Variants in AKAP13 observed in about 807,000 individuals in gnomAD.
AKAP13 encodes the protein A-kinase anchor protein 13.
In AKAP13, 80 loss-of-function variants were observed where a neutral mutation model predicts 264.5. The observed-to-expected ratio is 0.30, with a 90% confidence interval of 0.25 to 0.36. The LOEUF (loss-of-function observed/expected upper bound fraction) is 0.36, where lower values mean the gene tolerates loss of function less well. Among genes scored for constraint, AKAP13 ranks in the 10% least tolerant of loss-of-function variants. The pLI, the probability that AKAP13 is intolerant of heterozygous loss-of-function variation, is 1.00. For synonymous variants in AKAP13, 1,380 were observed against 1,250.2 expected (o/e 1.10, Z -2.19); for missense variants, 3,712 against 3,435.2 (o/e 1.08, Z -2.01).
chr15:85,619,217 G>A (rs940900093), intron 8 of AKAP13: 14 of 257,322 alleles, frequency 5.4e-5, no homozygotes, highest in African/African-American at 3.0e-4. Context: ...TCTTCGTCTC[G>A]GTAGATGAAT....
At chr15:85,744,504 G>T in intron 36 of AKAP13, 124 bp from the exon 37 acceptor site, 3 of 1,000,870 alleles carry the variant, frequency 3.0e-6, no homozygotes, top group Non-Finnish European at 1.6e-6. Flanking sequence ...GTGCGCAGAA[G>T]AGTTAATTGC....
intron 1 of AKAP13, among the ~76,000 whole-genome samples, chr15:85,475,262 A>G (rs2075118452): frequency 6.6e-6 from 1 of 152,200 alleles, no homozygotes. Flanking sequence ...CCGTAGGGAT[A>G]GGAATGTCAG....
In AKAP13 at chr15:85,651,864, G is replaced by A. The variant is rs560140464; in HGVS notation, c.4375-3553G>A. On this transcript the variant is annotated intron_variant, in intron 10 of 36. Transcript: ENST00000394518. ...ATCATTTCTCTTGAGAAATACCTAG[G>A]ATTCGAATTCTTAGATTATATGGTA... Among the ~76,000 whole-genome samples the A allele has an allele frequency of 3.9e-5, 6 of 152,254 alleles. No individual in the cohort carries two copies. In the South Asian group the frequency reaches 1.0e-3, roughly 26 times the overall value.
rs577699276 is a variant in AKAP13, at chr15:85,663,777, C to T, written c.4800-786C>T. 9.2e-5 allele frequency among the ~76,000 whole-genome samples: 14 copies of T among 152,354 alleles called. No homozygotes were observed. The East Asian group carries it at 2.7e-3, about 29-fold the overall frequency. On this transcript the variant is annotated intron_variant, in intron 12 of 36. Transcript: ENST00000394518. Reference sequence around the variant, plus strand: ...ACCTGTCTCTGTAGCCTTCTGCTTACTGAAAATGCTTTTCATTCTGCAAAC... The same window carrying T: ...ACCTGTCTCTGTAGCCTTCTGCTTATTGAAAATGCTTTTCATTCTGCAAAC...
At chr15:85,609,792 C>G (rs570960947) in intron 8 of AKAP13, among the ~76,000 whole-genome samples, 41 of 152,300 alleles carry the variant, frequency 2.7e-4, no homozygotes, top group African/African-American at 9.9e-4. Context: ...AACATCTTTA[C>G]CTTCACTCAC....
intron 4 of AKAP13, among the ~76,000 whole-genome samples, chr15:85,541,988 G>A (rs1325280948): frequency 6.6e-6 from 1 of 152,220 alleles, no homozygotes; most frequent in Non-Finnish European, 1.5e-5. Flanking sequence ...AATCAGAAGA[G>A]TGGTTGTGGG....
chr15:85,682,307 CT>C, intron 15 of AKAP13, 95 bp downstream of exon 15: 1 of 1,245,458 alleles, frequency 8.0e-7, no homozygotes, highest in Non-Finnish European at 1.1e-6. Context: ...GTTAATTGAG[CT>C]TATTGGGTTC....
intron 32 of AKAP13, 148 bp downstream of exon 32, chr15:85,735,778 AC>A (rs2151765307): frequency 1.1e-6 from 1 of 888,268 alleles, no homozygotes; most frequent in African/African-American, 1.7e-5. Flanking sequence ...CATTTTTAAA[AC>A]AAATAGTACA....
rs145247448 is a variant in AKAP13 at position 85,507,190 on chromosome 15, G to GT, written c.34-14232dup. 5.2e-3 allele frequency among the ~76,000 whole-genome samples: 790 copies of GT among 152,166 alleles called. 40 individuals carry two copies. In the East Asian group the frequency reaches 0.13, roughly 24 times the overall value. On this transcript the variant is annotated intron_variant, in intron 2 of 36. Coordinates refer to ENST00000394518, the MANE Select transcript of AKAP13 (RefSeq NM_007200.5). ...CTACTAAATCAGGGGGTCTTAATCTGTTTTTTGTTGATGTCTTTGGGGGTG... is the reference window on the plus strand; with the variant it reads ...CTACTAAATCAGGGGGTCTTAATCTGTTTTTTTGTTGATGTCTTTGGGGGTG...
chr15:85,615,388 T>C (rs1473017987), intron 8 of AKAP13, among the ~76,000 whole-genome samples: 1 of 152,114 alleles, frequency 6.6e-6, no homozygotes, highest in Non-Finnish European at 1.5e-5. Flanking sequence ...ACAGTAGACC[T>C]GCTTCTCCTG....
chr15:85,649,076 A>G (rs1457890588), intron 10 of AKAP13, among the ~76,000 whole-genome samples: 1 of 152,200 alleles, frequency 6.6e-6, no homozygotes, highest in Non-Finnish European at 1.5e-5. Flanking sequence ...GACTTACAAA[A>G]AGGAGAGAGA....
rs1410077312 is a variant in AKAP13, at chr15:85,682,267, T to C, written c.5156+55T>C. 3.9e-6 allele frequency: 6 copies of C among 1,551,812 alleles called. No homozygotes were observed. The East Asian group carries it at 1.4e-4, about 35-fold the overall frequency. ...GAAATAAAATGAAGAAAATTTAAAA[T>C]CTCTTAGGCCATTTAATTACGTAAA... is the stretch of plus-strand genomic sequence containing the variant. On this transcript the variant is annotated intron_variant, in intron 15 of 36. Coordinates refer to ENST00000394518, the MANE Select transcript of AKAP13 (RefSeq NM_007200.5).
intron 5 of AKAP13, among the ~76,000 whole-genome samples, chr15:85,562,686 C>CT (rs1192707103): frequency 1.6e-5 from 1 of 61,098 alleles, no homozygotes; most frequent in African/African-American, 4.9e-5. Context: ...CTTTTCTTTT[C>CT]TTTTCTTTTT....
chr15:85,680,230 A>G (rs1307857107), intron 14 of AKAP13, among the ~76,000 whole-genome samples: 1 of 152,202 alleles, frequency 6.6e-6, no homozygotes, highest in Non-Finnish European at 1.5e-5. Flanking sequence ...AGCTTAGAAA[A>G]TTTAATGCTG....
chr15:85,701,944 C>T (rs924425836), intron 17 of AKAP13, among the ~76,000 whole-genome samples: 5 of 151,874 alleles, frequency 3.3e-5, no homozygotes, highest in African/African-American at 1.2e-4. Flanking sequence ...CAGCCTGCCT[C>T]TTATAAAAAG....
chr15:85,558,351 T>C (rs1320080428), intron 5 of AKAP13, among the ~76,000 whole-genome samples: 1 of 152,252 alleles, frequency 6.6e-6, no homozygotes, highest in Non-Finnish European at 1.5e-5. Context: ...ATAGGATTAA[T>C]CAACTTTAAT....
chr15:85,647,002 A>G (rs1052757145), intron 10 of AKAP13, among the ~76,000 whole-genome samples: 1 of 152,174 alleles, frequency 6.6e-6, no homozygotes, highest in Non-Finnish European at 1.5e-5. Context: ...GCATCTACCA[A>G]CACGGTTCCT....
chr15:85,569,846 G>A (rs1490362829), intron 5 of AKAP13, among the ~76,000 whole-genome samples: 3 of 151,976 alleles, frequency 2.0e-5, no homozygotes. Flanking sequence ...GGGAGGCCAA[G>A]GCAGGTGGAT....
intron 17 of AKAP13, among the ~76,000 whole-genome samples, chr15:85,701,398 G>A (rs564412217): frequency 6.6e-6 from 1 of 152,124 alleles, no homozygotes; most frequent in South Asian, 2.1e-4. Flanking sequence ...TACCTGCTCA[G>A]CAAAAACCAG....
Sources: allele counts gnomAD v4.1 joint callset (sites outside exome capture counted in the v4.1 genomes callset), GRCh38; gene constraint gnomAD v4.1.1; transcripts MANE v1.5; gene names NCBI Gene and HGNC (gene_info 2026-07-23, HGNC 2026-07-21).